ADAM10: variants seen among roughly 807,000 people sequenced by gnomAD.
ADAM10 encodes the protein ADAM metallopeptidase domain 10.
A neutral mutation model predicts 90.1 loss-of-function variants in ADAM10; 17 were observed. That is an observed-to-expected ratio of 0.19 (90% CI 0.13 to 0.28). ADAM10 has a LOEUF of 0.28. ADAM10 is among the 10% of genes least tolerant of loss of function. ADAM10 has a pLI of 1.00. For synonymous variants in ADAM10, 310 were observed against 298.6 expected, an observed-to-expected ratio of 1.04 and a Z score of -0.40; for missense variants, 610 against 914.3, an observed-to-expected ratio of 0.67 and a Z score of 4.29.
chr15:58,676,366 T>C (rs1897301986), intron 4 of ADAM10: 1 of 452,778 alleles, frequency 2.2e-6, no homozygotes, highest in South Asian at 1.6e-5. Flanking sequence ...ATAATGCAAG[T>C]AAAGATTTTT....
At chr15:58,678,644 C>T (rs1207618575) in intron 4 of ADAM10, among the ~76,000 whole-genome samples, 1 of 152,132 alleles carries the variant, frequency 6.6e-6, no homozygotes, top group Admixed American at 6.5e-5. Flanking sequence ...TAAACGTGGA[C>T]TCTTGAAGTC....
intron 4 of ADAM10, among the ~76,000 whole-genome samples, chr15:58,675,429 C>T (rs1275493997): frequency 1.3e-5 from 2 of 152,136 alleles, no homozygotes; most frequent in African/African-American, 2.4e-5. Context: ...TGCAAGCAGT[C>T]ATATAGTCAG....
chr15:58,615,733 G>A (rs987207535), intron 11 of ADAM10, among the ~76,000 whole-genome samples: 1 of 152,058 alleles, frequency 6.6e-6, no homozygotes, highest in African/African-American at 2.4e-5. Flanking sequence ...AGAGGGCCAG[G>A]CACAGTGGCT....
At chr15:58,617,482 A>C (rs1895650689) in intron 11 of ADAM10, among the ~76,000 whole-genome samples, 1 of 152,176 alleles carries the variant, frequency 6.6e-6, no homozygotes, top group South Asian at 2.1e-4. Flanking sequence ...AAAATAAGTA[A>C]GAAAAAAAGA....
At chr15:58,687,013 C>T (rs1249001148) in intron 2 of ADAM10, among the ~76,000 whole-genome samples, 1 of 152,116 alleles carries the variant, frequency 6.6e-6, no homozygotes. Flanking sequence ...TTTAAACAAT[C>T]GAATACTTGT....
chr15:58,650,603 C>T (rs1225069497), intron 5 of ADAM10, among the ~76,000 whole-genome samples: 1 of 152,152 alleles, frequency 6.6e-6, no homozygotes, highest in Admixed American at 6.5e-5. Flanking sequence ...TCCTCAGAAA[C>T]TCAAAGACAC....
At chr15:58,736,082 T>G (rs1191279753) in intron 1 of ADAM10, among the ~76,000 whole-genome samples, 1 of 152,208 alleles carries the variant, frequency 6.6e-6, no homozygotes, top group African/African-American at 2.4e-5. Flanking sequence ...TTCTATTTGA[T>G]GGATGATTAA....
In ADAM10 at chr15:58,624,228, G is replaced by C. The variant is rs368393588; in HGVS notation, c.1361-2607C>G. On this transcript the variant is annotated intron_variant, in intron 10 of 15. Coordinates refer to ENST00000260408, the MANE Select transcript of ADAM10 (RefSeq NM_001110.4). ...TTGAACCTGGGAGGGAGAGGTTGCA[G>C]TGAGCCGAGATCGTGCCACTGCACT... Among the ~76,000 whole-genome samples, 6 of 151,880 alleles carry C rather than the reference G, an allele frequency of 4.0e-5. No homozygotes were observed. In the East Asian group the frequency reaches 1.2e-3, roughly 30 times the overall value.
chr15:58,740,407 T>TC (rs1899569925), intron 1 of ADAM10, among the ~76,000 whole-genome samples: 1 of 138,568 alleles, frequency 7.2e-6, no homozygotes, highest in Admixed American at 6.9e-5. Context: ...AGACTCTGTC[T>TC]CTAGGGAAGA....
chr15:58,659,145 CACCTGTAATCCCAGCT>C (rs1332492977), intron 5 of ADAM10, among the ~76,000 whole-genome samples: 2 of 151,908 alleles, frequency 1.3e-5, no homozygotes, highest in African/African-American at 2.4e-5. Context: ...TGGTGGTGCG[CACCTGTAATCCCAGCT>C]ACTCAGGAAG....
intron 4 of ADAM10, among the ~76,000 whole-genome samples, chr15:58,671,470 A>C (rs1283781237): frequency 1.3e-5 from 2 of 152,214 alleles, no homozygotes; most frequent in African/African-American, 4.8e-5. Flanking sequence ...GAATTATGCT[A>C]TCAGAGATGT....
At chr15:58,679,769 C>T (rs150023528) in intron 3 of ADAM10, among the ~76,000 whole-genome samples, 34 of 152,100 alleles carry the variant, frequency 2.2e-4, no homozygotes, top group African/African-American at 8.2e-4. Context: ...TTAGCTGGGC[C>T]TGGTGGCACA....
intron 5 of ADAM10, among the ~76,000 whole-genome samples, chr15:58,655,715 A>ATAG (rs1566982375): frequency 3.1e-5 from 2 of 65,140 alleles, no homozygotes; most frequent in African/African-American, 6.7e-5. Flanking sequence ...TATATAGTAT[A>ATAG]TATATATATA....
rs1376587779 is a variant in ADAM10, at chr15:58,591,702, C to T, written c.*5845G>A. ...CTTGTTTCAACTATATCCACACACA[C>T]CAGCCAACTTCAATCCTTATTTTTA... On this transcript the variant is annotated 3_prime_UTR_variant, in exon 16 of 16. Transcript: ENST00000260408. The T allele has an allele frequency of 1.3e-5, 2 of 152,222 alleles. No individual in the cohort carries two copies. The highest frequency in any genetic ancestry group is 6.5e-5 in the Admixed American group (1 of 15,288). The allele number at this position is 152,222 out of a possible 1,614,324, so 9.4% of individuals were successfully genotyped here. A position where few individuals can be genotyped will look rare whatever the true frequency, so the allele number is the denominator to read the frequency against.
intron 1 of ADAM10, among the ~76,000 whole-genome samples, chr15:58,733,596 A>G (rs987308630): frequency 6.6e-6 from 1 of 152,192 alleles, no homozygotes; most frequent in Non-Finnish European, 1.5e-5. Context: ...ATACCTTTTT[A>G]TATAAGGGAC....
intron 1 of ADAM10, among the ~76,000 whole-genome samples, chr15:58,725,261 T>C (rs2140828552): frequency 6.6e-6 from 1 of 151,420 alleles, no homozygotes; most frequent in East Asian, 1.9e-4. Flanking sequence ...TTAGGCATGG[T>C]AGTGCATGCC....
chr15:58,666,053 C>G (rs1014797995), intron 4 of ADAM10, among the ~76,000 whole-genome samples: 11 of 151,618 alleles, frequency 7.3e-5, no homozygotes, highest in African/African-American at 9.7e-5. Flanking sequence ...TAGTATTCTA[C>G]TTTCTTTCCA....
chr15:58,672,189 T>C (rs957676219), intron 4 of ADAM10: 1 of 152,204 alleles, frequency 6.6e-6, no homozygotes, highest in Non-Finnish European at 1.5e-5. Context: ...ATCATGTATT[T>C]CTGATAGCCA....
Position 58,745,763 on chromosome 15 carries a change from A to G in ADAM10, c.55+3717T>C, listed in dbSNP as rs547158399. 5.9e-5 allele frequency among the ~76,000 whole-genome samples: 9 copies of G among 152,306 alleles called. No individual in the cohort carries two copies. The South Asian group carries it at 1.9e-3, about 32-fold the overall frequency. ...GTAACAAAAATGAGTGAAAAAGGCC[A>G]GGTGTATCATTAGGAATGATGGGGA... On this transcript the variant is annotated intron_variant, in intron 1 of 15. Transcript: ENST00000260408.
Sources: allele counts gnomAD v4.1 joint callset (sites outside exome capture counted in the v4.1 genomes callset), GRCh38; gene constraint gnomAD v4.1.1; transcripts MANE v1.5; gene names NCBI Gene and HGNC (gene_info 2026-07-23, HGNC 2026-07-21).